Variants in WWOX observed in about 807,000 individuals in gnomAD.
WWOX encodes the protein WW domain containing oxidoreductase, also known as WW domain-containing oxidoreductase.
WWOX carries 69 observed loss-of-function variants against 46.2 expected under a neutral mutation model. The observed-to-expected ratio is 1.49, with a 90% CI of 1.23 to 1.82. The LOEUF is 1.82. Ranked by LOEUF, WWOX falls within the 40% of genes most tolerant of loss-of-function variation. The pLI, the probability that WWOX is intolerant of heterozygous loss-of-function variation, is 0.00. For missense variants in WWOX, 919 were observed against 542.6 expected (o/e 1.69, Z -6.89); for synonymous variants, 359 against 202.6 (o/e 1.77, Z -6.56).
chr16:79,046,594 C>G (rs2150521206), intron 8 of WWOX, among the ~76,000 whole-genome samples: 1 of 152,236 alleles, frequency 6.6e-6, no homozygotes, highest in South Asian at 2.1e-4. Flanking sequence ...GTGTTTCTCC[C>G]AGTTCCTCCC....
chr16:78,633,749 G>A (rs1266489195), intron 8 of WWOX, among the ~76,000 whole-genome samples: 3 of 152,208 alleles, frequency 2.0e-5, no homozygotes, highest in African/African-American at 7.2e-5. Flanking sequence ...TCCGACTTAT[G>A]TATGATTCAT....
chr16:78,590,073 C>G (rs767060244), intron 8 of WWOX, among the ~76,000 whole-genome samples: 14 of 151,828 alleles, frequency 9.2e-5, no homozygotes, highest in Admixed American at 2.6e-4. Context: ...AGCTATGATG[C>G]CTATCCTTAA....
At chr16:78,123,565 C>T (rs1179871126) in intron 4 of WWOX, 3 of 146,600 alleles carry the variant, frequency 2.0e-5, no homozygotes, top group African/African-American at 5.0e-5. Flanking sequence ...TGAAGCAATT[C>T]TTCTGCCTCA....
intron 8 of WWOX, among the ~76,000 whole-genome samples, chr16:78,737,209 C>G (rs147155732): frequency 2.4e-4 from 37 of 152,098 alleles, no homozygotes; most frequent in African/African-American, 8.9e-4. Flanking sequence ...AAGCTATTTT[C>G]CTGCCTCAGC....
At chr16:78,518,923 T>C (rs1348968478) in intron 8 of WWOX, among the ~76,000 whole-genome samples, 1 of 152,236 alleles carries the variant, frequency 6.6e-6, no homozygotes, top group African/African-American at 2.4e-5. Context: ...TTCATAGCTG[T>C]GGTCTTCTGA....
intron 5 of WWOX, among the ~76,000 whole-genome samples, chr16:78,173,900 G>T (rs2035246175): frequency 6.6e-6 from 1 of 152,052 alleles, no homozygotes; most frequent in African/African-American, 2.4e-5. Flanking sequence ...CCCTCTTTCT[G>T]GTTTTTAAGT....
At chr16:79,089,493 G>C (rs1286525623) in intron 8 of WWOX, among the ~76,000 whole-genome samples, 1 of 151,808 alleles carries the variant, frequency 6.6e-6, no homozygotes, top group African/African-American at 2.4e-5. Context: ...CACCACGCCT[G>C]GCTAATTTTT....
intron 8 of WWOX, among the ~76,000 whole-genome samples, chr16:78,590,324 T>G (rs947401546): frequency 3.3e-5 from 5 of 152,164 alleles, no homozygotes; most frequent in African/African-American, 1.2e-4. Flanking sequence ...CCTTATTTGG[T>G]GGAAGCAAGT....
chr16:78,696,790 T>G (rs1045600965), intron 8 of WWOX, among the ~76,000 whole-genome samples: 44 of 152,088 alleles, frequency 2.9e-4, no homozygotes, highest in Non-Finnish European at 3.2e-4. Flanking sequence ...GCATCCAGTT[T>G]GTACTCCTTT....
intron 8 of WWOX, among the ~76,000 whole-genome samples, chr16:79,028,530 C>A (rs543779682): frequency 6.6e-6 from 1 of 151,642 alleles, no homozygotes; most frequent in Admixed American, 6.6e-5. Flanking sequence ...TCCTCTCCCT[C>A]CCTCCCATCC....
chr16:78,422,684 T>TATATATATATATATATATACAC lies in WWOX; in HGVS notation c.606-2185_606-2184insTATATATATATATATATACACA, dbSNP rs1263877025. 7.9e-3 allele frequency among the ~76,000 whole-genome samples: 417 copies of TATATATATATATATATATACAC among 52,936 alleles called. 29 individuals are homozygous for TATATATATATATATATATACAC. Among genetic ancestry groups the TATATATATATATATATATACAC allele is most frequent in the Non-Finnish European group, 0.011 (338 of 30,352 alleles). The allele number at this position is 52,936 out of a possible 152,430, so 34.7% of individuals were successfully genotyped here. ...ACATGTATATATATATATATATATA[T>TATATATATATATATATATACAC]ACACACACACACACACATATATATA... On this transcript the variant is annotated intron_variant, in intron 6 of 8. Transcript: ENST00000566780.
chr16:78,502,824 C>G (rs929722083), intron 8 of WWOX, among the ~76,000 whole-genome samples: 2 of 152,148 alleles, frequency 1.3e-5, no homozygotes, highest in African/African-American at 4.8e-5. Flanking sequence ...TTTTCATGCT[C>G]TACTTACAGT....
At chr16:78,449,079 G>T (rs1184357215) in intron 8 of WWOX, among the ~76,000 whole-genome samples, 4 of 152,102 alleles carry the variant, frequency 2.6e-5, no homozygotes, top group South Asian at 2.1e-4. Context: ...ACAATCTCAA[G>T]ACTCAGCAGG....
intron 8 of WWOX, among the ~76,000 whole-genome samples, chr16:78,776,322 A>C (rs1194786147): frequency 6.6e-6 from 1 of 152,116 alleles, no homozygotes; most frequent in Non-Finnish European, 1.5e-5. Context: ...TGGCTGGGAT[A>C]GGACCTTGGC....
At chr16:78,623,937 C>G (rs866521818) in intron 8 of WWOX, among the ~76,000 whole-genome samples, 35 of 152,240 alleles carry the variant, frequency 2.3e-4, no homozygotes, top group African/African-American at 7.5e-4. Context: ...GTGGCAAAGT[C>G]TTTGCTCTAC....
intron 8 of WWOX, among the ~76,000 whole-genome samples, chr16:78,964,323 T>C (rs369381883): frequency 1.3e-5 from 2 of 152,302 alleles, no homozygotes; most frequent in African/African-American, 4.8e-5. Context: ...TGGACAATAA[T>C]GTCCAGGCTG....
chr16:78,662,842 G>A (rs1264617306), intron 8 of WWOX, among the ~76,000 whole-genome samples: 1 of 152,088 alleles, frequency 6.6e-6, no homozygotes, highest in East Asian at 1.9e-4. Flanking sequence ...GTTGTTGGCT[G>A]TTGCCACATG....
intron 5 of WWOX, among the ~76,000 whole-genome samples, chr16:78,275,187 T>G (rs2079554229): frequency 6.6e-6 from 1 of 152,208 alleles, no homozygotes; most frequent in African/African-American, 2.4e-5. Context: ...GAATTCAGCC[T>G]GCAGGCATGT....
chr16:78,500,250 C>T (rs977464433), intron 8 of WWOX, among the ~76,000 whole-genome samples: 6 of 152,140 alleles, frequency 3.9e-5, no homozygotes, highest in African/African-American at 9.7e-5. Context: ...TAAAATAAAA[C>T]AGAAGGTATG....
Sources: allele counts gnomAD v4.1 joint callset (sites outside exome capture counted in the v4.1 genomes callset), GRCh38; gene constraint gnomAD v4.1.1; transcripts MANE v1.5; gene names NCBI Gene and HGNC (gene_info 2026-07-23, HGNC 2026-07-21).